Variants in FAM240B observed in about 807,000 individuals in gnomAD.
FAM240B encodes protein FAM240B.
At position 38,713,296 on chromosome 9, in the gene FAM240B, G is replaced by T. The variant is rs184899690; in HGVS notation, c.-4+6726C>A. ...GATCGAGACCATCCTGGCTAACACGGTGAAACCCCATCTCTACTAAAAATA... is the reference window on the plus strand; with the variant it reads ...GATCGAGACCATCCTGGCTAACACGTTGAAACCCCATCTCTACTAAAAATA... On this transcript the variant is annotated intron_variant, in intron 1 of 2. Coordinates refer to ENST00000637493, the MANE Select transcript of FAM240B (RefSeq NM_001394922.1). Among the ~76,000 whole-genome samples, 1,089 of 152,128 alleles carry T rather than the reference G, an allele frequency of 7.2e-3. 17 individuals are homozygous for T. The highest frequency in any genetic ancestry group is 0.025 in the African/African-American group (1,045 of 41,520).
intron 1 of FAM240B, among the ~76,000 whole-genome samples, chr9:38,711,010 T>G (rs927079940): frequency 4.6e-5 from 7 of 152,130 alleles, no homozygotes; most frequent in African/African-American, 1.7e-4. Flanking sequence ...TGGCGGCTCA[T>G]GACAACAGCT....
At chr9:38,719,238 G>A (rs1040070706) in intron 1 of FAM240B, among the ~76,000 whole-genome samples, 3 of 151,932 alleles carry the variant, frequency 2.0e-5, no homozygotes, top group Non-Finnish European at 4.4e-5. Flanking sequence ...CTGTTTCTCT[G>A]CATCCCCCCC....
At chr9:38,699,132 T>C (rs1184804813) in intron 2 of FAM240B, among the ~76,000 whole-genome samples, 1 of 152,206 alleles carries the variant, frequency 6.6e-6, no homozygotes. Flanking sequence ...CCAAGTAATG[T>C]TTACTATTTC....
chr9:38,714,915 G>A (rs578107759), intron 1 of FAM240B, among the ~76,000 whole-genome samples: 95 of 152,332 alleles, frequency 6.2e-4, no homozygotes, highest in African/African-American at 2.2e-3. Context: ...GACTGAATCT[G>A]ATAAATTCTG....
chr9:38,704,105 TTG>T, intron 1 of FAM240B, 103 bp from the exon 2 acceptor site: 3 of 387,078 alleles, frequency 7.8e-6, no homozygotes, highest in Non-Finnish European at 4.5e-6. Context: ...CCATTTACAC[TTG>T]TTTTTTTTTT....
chr9:38,711,009 A>T (rs56249755), intron 1 of FAM240B, among the ~76,000 whole-genome samples: 3,093 of 152,278 alleles, frequency 0.02, 96 homozygotes, highest in African/African-American at 0.07. Context: ...ATGGCGGCTC[A>T]TGACAACAGC....
At chr9:38,697,722 T>C (rs2118997975) in intron 2 of FAM240B, among the ~76,000 whole-genome samples, 1 of 152,364 alleles carries the variant, frequency 6.6e-6, no homozygotes, top group South Asian at 2.1e-4. Flanking sequence ...GCTCTTCAGA[T>C]TACTTAGGTC....
At chr9:38,695,976 TA>T (rs1264694412) in intron 2 of FAM240B, among the ~76,000 whole-genome samples, 2 of 152,208 alleles carry the variant, frequency 1.3e-5, no homozygotes, top group African/African-American at 4.8e-5. Context: ...GCTGGAACAT[TA>T]TGTATCTATA....
At chr9:38,699,393 C>A (rs571945126) in intron 2 of FAM240B, among the ~76,000 whole-genome samples, 1 of 152,156 alleles carries the variant, frequency 6.6e-6, no homozygotes, top group African/African-American at 2.4e-5. Flanking sequence ...GAAACACCTG[C>A]GAAAAGTAAA....
At chr9:38,707,649 C>A (rs576817511) in intron 1 of FAM240B, among the ~76,000 whole-genome samples, 1 of 151,066 alleles carries the variant, frequency 6.6e-6, no homozygotes, top group Admixed American at 6.6e-5. Flanking sequence ...AAAAAATTAG[C>A]TGGGCGTGGT....
At chr9:38,698,955 T>C (rs79788728) in intron 2 of FAM240B, among the ~76,000 whole-genome samples, 154 of 152,330 alleles carry the variant, frequency 1.0e-3, no homozygotes, top group African/African-American at 3.6e-3. Context: ...AATTTATATG[T>C]AGGGCTTTCC....
chr9:38,695,801 TTAACATAAAGTTACCATCA>T (rs1821062542), intron 2 of FAM240B, among the ~76,000 whole-genome samples: 2 of 152,234 alleles, frequency 1.3e-5, no homozygotes, highest in African/African-American at 2.4e-5. Context: ...GATTTGAAGC[TTAACATAAAGTTACCATCA>T]TCAAGGCAGT....
At chr9:38,707,793 CAAAAAAA>C (rs11300800) in intron 1 of FAM240B, among the ~76,000 whole-genome samples, 5 of 109,398 alleles carry the variant, frequency 4.6e-5, no homozygotes, top group Admixed American at 4.0e-4. Flanking sequence ...GACTCGGTCT[CAAAAAAA>C]AAAAAAAAAA....
intron 1 of FAM240B, among the ~76,000 whole-genome samples, chr9:38,709,823 T>A (rs1442791968): frequency 6.6e-6 from 1 of 152,246 alleles, no homozygotes; most frequent in Non-Finnish European, 1.5e-5. Flanking sequence ...GTCTCCATTC[T>A]ATTGTTGTGC....
At chr9:38,699,832 G>A (rs1272444180) in intron 2 of FAM240B, among the ~76,000 whole-genome samples, 1 of 152,252 alleles carries the variant, frequency 6.6e-6, no homozygotes, top group Non-Finnish European at 1.5e-5. Context: ...AAGGAATTTA[G>A]AGTTGACTGA....
chr9:38,702,005 T>C (rs959157213), intron 2 of FAM240B, among the ~76,000 whole-genome samples: 1 of 152,136 alleles, frequency 6.6e-6, no homozygotes, highest in Non-Finnish European at 1.5e-5. Context: ...TTACATACTA[T>C]ATATATAAAA....
At position 38,713,351 on chromosome 9, in the gene FAM240B, G is replaced by A. The variant is rs140594775; in HGVS notation, c.-4+6671C>T. Among the ~76,000 whole-genome samples, 1,083 of 152,012 alleles carry A rather than the reference G, an allele frequency of 7.1e-3. 12 individuals are homozygous for A. The highest frequency in any genetic ancestry group is 0.024 in the African/African-American group (1,014 of 41,486). On this transcript the variant is annotated intron_variant, in intron 1 of 2. Coordinates refer to ENST00000637493, the MANE Select transcript of FAM240B (RefSeq NM_001394922.1). ...AGATTAGCTGGGCATGGTGGCGAGC[G>A]CCTGTAGTCCCAGCTATTCGGGAGG...
At position 38,714,812 on chromosome 9, in the gene FAM240B, G is replaced by A. The variant is rs1821291335; in HGVS notation, c.-4+5210C>T. Among the ~76,000 whole-genome samples, 5 of 152,220 alleles carry A rather than the reference G, an allele frequency of 3.3e-5. No homozygotes were observed. In the South Asian group the frequency reaches 1.0e-3, roughly 32 times the overall value. ...CGGTCACAGATTGGAGGAGAATAAG[G>A]AGATATGATTGATAGATATATACAC... is the stretch of plus-strand genomic sequence containing the variant. On this transcript the variant is annotated intron_variant, in intron 1 of 2. Coordinates refer to ENST00000637493, the MANE Select transcript of FAM240B (RefSeq NM_001394922.1).
intron 1 of FAM240B, among the ~76,000 whole-genome samples, chr9:38,719,374 T>C (rs1277768268): frequency 6.6e-6 from 1 of 152,176 alleles, no homozygotes; most frequent in African/African-American, 2.4e-5. Flanking sequence ...TTTACTTTTC[T>C]AATTAACTTA....
Sources: gnomAD v4.1 joint callset for allele counts (sites outside exome capture counted in the v4.1 genomes callset) on GRCh38, gnomAD v4.1.1 for gene constraint, MANE v1.5 for transcripts, NCBI Gene and HGNC (gene_info 2026-07-23, HGNC 2026-07-21) for gene names.